The following ANKRD12 variants were observed in gnomAD, a reference collection of about 807,000 sequenced individuals.
ANKRD12 encodes ankyrin repeat domain-containing protein 12.
Under a neutral mutation model 183.4 loss-of-function variants are expected in ANKRD12, and 85 were observed. That is an observed-to-expected ratio of 0.46 (90% CI 0.39 to 0.56). The LOEUF is 0.56. Ranked by LOEUF, ANKRD12 falls within the 20% of genes least tolerant of loss-of-function variation. The probability of loss-of-function intolerance (pLI) is 0.00; values close to 1 mark genes in which losing one functional copy is unlikely to be tolerated. For missense variants in ANKRD12, 2,405 were observed against 2,357.1 expected (o/e 1.02, Z -0.42); for synonymous variants, 914 against 800.2 (o/e 1.14, Z -2.40).
chr18:9,192,845 C>G (rs929391545), intron 2 of ANKRD12, among the ~76,000 whole-genome samples: 4 of 151,744 alleles, frequency 2.6e-5, no homozygotes, highest in Admixed American at 2.0e-4. Context: ...TTGCGCCCAG[C>G]TAGTTTTTAA....
chr18:9,223,259 CTT>C (rs35340216), intron 8 of ANKRD12, among the ~76,000 whole-genome samples: 5 of 144,666 alleles, frequency 3.5e-5, no homozygotes, highest in African/African-American at 5.0e-5. Context: ...ACCTCTCTCT[CTT>C]TTTTTTTTTT....
intron 2 of ANKRD12, among the ~76,000 whole-genome samples, chr18:9,183,854 A>G (rs2144209193): frequency 6.6e-6 from 1 of 152,000 alleles, no homozygotes; most frequent in Admixed American, 6.5e-5. Flanking sequence ...TTTGCTCTTT[A>G]TTGTATATTT....
intron 8 of ANKRD12, among the ~76,000 whole-genome samples, chr18:9,235,976 AT>A: frequency 6.6e-6 from 1 of 151,532 alleles, no homozygotes; most frequent in Non-Finnish European, 1.5e-5. Flanking sequence ...GTACTAAGAA[AT>A]TTTTAAGATT....
intron 9 of ANKRD12, among the ~76,000 whole-genome samples, chr18:9,260,884 A>G (rs1302290679): frequency 6.6e-6 from 1 of 152,050 alleles, no homozygotes; most frequent in Non-Finnish European, 1.5e-5. Context: ...GCTCCACCTG[A>G]ATGTCCATAA....
chr18:9,214,620 G>A (rs1164846461), intron 6 of ANKRD12, among the ~76,000 whole-genome samples: 1 of 152,096 alleles, frequency 6.6e-6, no homozygotes, highest in African/African-American at 2.4e-5. Context: ...AGTGCTCCTA[G>A]TGATACTAGA....
chr18:9,201,723 A>T (rs1397948414), intron 3 of ANKRD12, among the ~76,000 whole-genome samples: 2 of 152,132 alleles, frequency 1.3e-5, no homozygotes, highest in Non-Finnish European at 2.9e-5. Context: ...TTTAGTTTGC[A>T]TGTTTAAATA....
intron 1 of ANKRD12, among the ~76,000 whole-genome samples, chr18:9,151,875 A>G (rs2078696526): frequency 6.6e-6 from 1 of 152,194 alleles, no homozygotes; most frequent in Non-Finnish European, 1.5e-5. Context: ...GTTACTTCTC[A>G]TAGCCTTTTT....
rs536576186 is a variant in ANKRD12, at chr18:9,284,219, A to C, written c.*3093A>C. ...CAATTTGTAAAAAACGCCAATATGT[A>C]CAAAGCACAATAAAGCAAAGCACAA... On this transcript the variant is annotated 3_prime_UTR_variant, in exon 13 of 13. Coordinates refer to ENST00000262126, the MANE Select transcript of ANKRD12 (RefSeq NM_015208.5). 6.6e-6 allele frequency: 1 copy of C among 152,244 alleles called. No individual in the cohort carries two copies. The highest frequency in any genetic ancestry group is 1.5e-5 in the Non-Finnish European group (1 of 68,042). 9.4% of individuals were successfully genotyped at this position (152,244 alleles called of 1,614,324 possible).
chr18:9,237,256 C>G (rs1389236513), intron 8 of ANKRD12, among the ~76,000 whole-genome samples: 1 of 152,102 alleles, frequency 6.6e-6, no homozygotes, highest in Non-Finnish European at 1.5e-5. Flanking sequence ...AGGATATGAA[C>G]AAGATCTTCA....
chr18:9,157,555 G>GTATGTGTT, intron 1 of ANKRD12, among the ~76,000 whole-genome samples: 2 of 84,174 alleles, frequency 2.4e-5, no homozygotes, highest in Non-Finnish European at 4.7e-5. Flanking sequence ...GTGTGGGTGT[G>GTATGTGTT]TGTGTGTGTG....
Position 9,182,409 on chromosome 18 carries a change from A to G in ANKRD12, c.-24A>G, listed in dbSNP as rs373772396. 5.2e-6 allele frequency: 8 copies of G among 1,536,260 alleles called. No individual in the cohort carries two copies. In the African/African-American group the frequency reaches 6.9e-5, roughly 13 times the overall value. ...CCAGGATGAGAAGACTGATAAAAGA[A>G]GAAGCTAGCTGAACAGCTGTAAAAT... is the stretch of plus-strand genomic sequence containing the variant. On this transcript the variant is annotated 5_prime_UTR_variant, in exon 2 of 13. Coordinates refer to ENST00000262126, the MANE Select transcript of ANKRD12 (RefSeq NM_015208.5).
intron 1 of ANKRD12, among the ~76,000 whole-genome samples, chr18:9,157,574 T>G (rs1272908519): frequency 3.4e-5 from 4 of 118,250 alleles, no homozygotes; most frequent in Non-Finnish European, 6.7e-5. Context: ...TGTGTGTGTG[T>G]GTGTGTGTGT....
chr18:9,265,716 C>T (rs921335325), intron 10 of ANKRD12, among the ~76,000 whole-genome samples: 1 of 152,166 alleles, frequency 6.6e-6, no homozygotes, highest in African/African-American at 2.4e-5. Flanking sequence ...CAGAGCGCCT[C>T]TCCTCCTCCA....
intron 1 of ANKRD12, among the ~76,000 whole-genome samples, chr18:9,166,855 A>C (rs1025769482): frequency 3.3e-5 from 5 of 152,160 alleles, no homozygotes; most frequent in Non-Finnish European, 7.3e-5. Context: ...TTTTAGGTCT[A>C]ACATGTAAGT....
chr18:9,210,817 T>C (rs374152803), intron 5 of ANKRD12, among the ~76,000 whole-genome samples: 2 of 151,724 alleles, frequency 1.3e-5, no homozygotes, highest in African/African-American at 2.4e-5. Context: ...TCGTGTCAGG[T>C]TTTAAACTGG....
chr18:9,165,152 T>C (rs764090858), intron 1 of ANKRD12, among the ~76,000 whole-genome samples: 1 of 152,154 alleles, frequency 6.6e-6, no homozygotes, highest in Non-Finnish European at 1.5e-5. Context: ...CATTACGTGA[T>C]GTCGTTTGTC....
In ANKRD12 at chr18:9,189,609, T is replaced by TAAA. The variant is rs555664170; in HGVS notation, c.88-5941_88-5939dup. Among the ~76,000 whole-genome samples, 16 of 152,346 alleles carry TAAA rather than the reference T, an allele frequency of 1.1e-4. No individual in the cohort carries two copies. In the South Asian group the frequency reaches 3.3e-3, roughly 32 times the overall value. On this transcript the variant is annotated intron_variant, in intron 2 of 12. Transcript: ENST00000262126. ...CAAATGCAGCTGACAACTATTAAGT[T>TAAA]AAAGCCAGTGCTCTTTTTCCATTGC...
At chr18:9,164,442 C>T (rs1254788188) in intron 1 of ANKRD12, among the ~76,000 whole-genome samples, 1 of 152,078 alleles carries the variant, frequency 6.6e-6, no homozygotes, top group Non-Finnish European at 1.5e-5. Flanking sequence ...CTTCTGCTAG[C>T]TTTGGTGTTT....
At chr18:9,198,550 A>G (rs2034977871) in intron 3 of ANKRD12, among the ~76,000 whole-genome samples, 1 of 141,946 alleles carries the variant, frequency 7.0e-6, no homozygotes, top group Non-Finnish European at 1.6e-5. Context: ...TATTATAATA[A>G]TGATAACTAT....
Sources: gnomAD v4.1 joint callset for allele counts (sites outside exome capture counted in the v4.1 genomes callset) on GRCh38, gnomAD v4.1.1 for gene constraint, MANE v1.5 for transcripts, NCBI Gene and HGNC (gene_info 2026-07-23, HGNC 2026-07-21) for gene names.